Variants in PIK3CD observed in about 807,000 individuals in gnomAD.
PIK3CD encodes phosphatidylinositol 4,5-bisphosphate 3-kinase catalytic subunit delta isoform.
Under a neutral mutation model 122.9 loss-of-function variants are expected in PIK3CD, and 20 were observed. The ratio of observed to expected loss-of-function variants is 0.16; its 90% CI spans 0.11 to 0.24. The LOEUF (loss-of-function observed/expected upper bound fraction) is 0.24. Among genes scored for constraint, PIK3CD ranks in the 10% least tolerant of loss-of-function variants. The probability of loss-of-function intolerance (pLI) is 1.00; values close to 1 mark genes in which losing one functional copy is unlikely to be tolerated. For synonymous variants in PIK3CD, 596 were observed against 593.4 expected (o/e 1.00, Z -0.06); for missense variants, 787 against 1,406.3 (o/e 0.56, Z 7.04).
Position 9,725,601 on chromosome 1 carries a change from G to A in PIK3CD, c.2997+665G>A, listed in dbSNP as rs187232315. Among the ~76,000 whole-genome samples the A allele has an allele frequency of 3.3e-4, 49 of 149,624 alleles. No individual in the cohort carries two copies. In the East Asian group the frequency reaches 5.0e-3, roughly 15 times the overall value. ...ATAAAAAAAGATATTTTTCCAGGCC[G>A]GGTGCGGTGGCTCACGCCTGTAATC... On this transcript the variant is annotated intron_variant, in intron 23 of 23. Coordinates refer to ENST00000377346, the MANE Select transcript of PIK3CD (RefSeq NM_005026.5).
At chr1:9,680,032 C>G (rs1645690396) in intron 1 of PIK3CD, among the ~76,000 whole-genome samples, 2 of 152,126 alleles carry the variant, frequency 1.3e-5, no homozygotes, top group South Asian at 4.1e-4. Flanking sequence ...ACCATGTTGG[C>G]CAGCCTGGTC....
chr1:9,665,580 A>G (rs1645135233), intron 1 of PIK3CD, among the ~76,000 whole-genome samples: 2 of 151,760 alleles, frequency 1.3e-5, no homozygotes, highest in South Asian at 2.1e-4. Flanking sequence ...GGACATTGAC[A>G]TGTCCAATTA....
chr1:9,716,770 C>T (rs952842584), intron 6 of PIK3CD, 151 bp downstream of exon 6: 10 of 1,191,148 alleles, frequency 8.4e-6, no homozygotes, highest in Non-Finnish European at 1.2e-5. Flanking sequence ...AGGGCTGGCC[C>T]TCTCTGAGAG....
rs1228565091 is a variant in PIK3CD, at chr1:9,724,984, T to C, written c.2997+48T>C. 10 of 1,609,336 alleles carry C rather than the reference T, an allele frequency of 6.2e-6. No individual in the cohort carries two copies. Among genetic ancestry groups the C allele is most frequent in the Non-Finnish European group, 7.6e-6 (9 of 1,178,606 alleles). ...CTGTCGCCAGTGGACTTCCAAGGCC[T>C]GCCCCCGAGCAATGTGACCTAGGAG... On this transcript the variant is annotated intron_variant, in intron 23 of 23. Coordinates refer to ENST00000377346, the MANE Select transcript of PIK3CD (RefSeq NM_005026.5). The surrounding 1 kb of genome is among the most constrained non-coding windows in gnomAD (Gnocchi z 7.3).
At chr1:9,706,187 T>C (rs1646825206) in intron 2 of PIK3CD, among the ~76,000 whole-genome samples, 1 of 151,114 alleles carries the variant, frequency 6.6e-6, no homozygotes, top group African/African-American at 2.4e-5. Context: ...GCGACCAGCC[T>C]TAAGTGTGTT....
At chr1:9,716,118 TC>T in intron 5 of PIK3CD, 40 bp downstream of exon 5, 1 of 1,507,384 alleles carries the variant, frequency 6.6e-7, no homozygotes, top group Non-Finnish European at 9.2e-7. Flanking sequence ...GGCTGCTCTG[TC>T]CATGGGGAGC....
At chr1:9,630,383 C>T in the PIK3CD span, among the ~76,000 whole-genome samples, 1 of 152,228 alleles carries the variant, frequency 6.6e-6, no homozygotes, top group African/African-American at 2.4e-5. Flanking sequence ...GCTACAGCCC[C>T]CTGGCCCCTG....
chr1:9,684,183 C>A (rs1237141105), intron 1 of PIK3CD, among the ~76,000 whole-genome samples: 2 of 152,096 alleles, frequency 1.3e-5, no homozygotes, highest in Non-Finnish European at 2.9e-5. Flanking sequence ...GGCCATCTCT[C>A]AATGGGAGGA....
rs1166857194 is a variant in PIK3CD, at chr1:9,727,420, A to C, written c.*374A>C. On this transcript the variant is annotated 3_prime_UTR_variant, in exon 24 of 24. Coordinates refer to ENST00000377346, the MANE Select transcript of PIK3CD (RefSeq NM_005026.5). The stretch of plus-strand genomic sequence containing the variant: ...GCCTGGGTCCTGGCGCCTGGCGGTC[A>C]CCTGGTGCCTACTGTCCGACAGGAT... 2.4e-6 allele frequency: 1 copy of C among 412,894 alleles called. No homozygotes were observed. Among genetic ancestry groups the C allele is most frequent in the Non-Finnish European group, 4.6e-6 (1 of 218,398 alleles). The allele number at this position is 412,894 out of a possible 1,614,324, so 25.6% of individuals were successfully genotyped here.
chr1:9,698,953 C>T (rs756155873), intron 2 of PIK3CD, among the ~76,000 whole-genome samples: 3 of 151,990 alleles, frequency 2.0e-5, no homozygotes, highest in African/African-American at 4.8e-5. Flanking sequence ...TTTCAGAGGC[C>T]GATGCAGGAG....
chr1:9,633,339 C>T, the PIK3CD span, among the ~76,000 whole-genome samples: 1 of 151,356 alleles, frequency 6.6e-6, no homozygotes, highest in African/African-American at 2.4e-5. Flanking sequence ...ATCAATGTCG[C>T]TCTTGTCGCC....
At chr1:9,705,935 C>T (rs79950983) in intron 2 of PIK3CD, among the ~76,000 whole-genome samples, 3 of 151,914 alleles carry the variant, frequency 2.0e-5, no homozygotes, top group Admixed American at 6.6e-5. Context: ...GTGGTTATAC[C>T]GATCGTAGGT....
intron 2 of PIK3CD, among the ~76,000 whole-genome samples, chr1:9,693,731 G>C (rs1430640518): frequency 6.6e-6 from 1 of 152,004 alleles, no homozygotes; most frequent in East Asian, 1.9e-4. Flanking sequence ...GAGGAGGGTG[G>C]TATGAACAAA....
At chr1:9,686,184 T>C (rs1055916548) in intron 1 of PIK3CD, among the ~76,000 whole-genome samples, 4 of 152,154 alleles carry the variant, frequency 2.6e-5, no homozygotes, top group Non-Finnish European at 5.9e-5. Context: ...TTTGGTTTCC[T>C]GCCTTATGTT....
At chr1:9,657,438 C>T (rs1019927855) in intron 1 of PIK3CD, among the ~76,000 whole-genome samples, 1 of 152,036 alleles carries the variant, frequency 6.6e-6, no homozygotes, top group Non-Finnish European at 1.5e-5. Context: ...CCCTGTTCTG[C>T]CACTTTCCCC....
intron 1 of PIK3CD, among the ~76,000 whole-genome samples, chr1:9,655,714 T>TC (rs1644835185): frequency 6.7e-6 from 1 of 149,982 alleles, no homozygotes; most frequent in Admixed American, 6.6e-5. Flanking sequence ...TTTTTTTTTT[T>TC]TGAGACGGAG....
Position 9,715,830 on chromosome 1 carries a change from A to ACCCCCCCC in PIK3CD, c.371-19_371-18insCCCCCCCC. ...CCCTGCCTGCCCCACCCGCTGACCC[A>ACCCCCCCC]GCCCTCCCCACCCCGCAGGCCTCCA... On this transcript the variant is annotated intron_variant, in intron 4 of 23. Coordinates refer to ENST00000377346, the MANE Select transcript of PIK3CD (RefSeq NM_005026.5). The surrounding 1 kb of genome is among the most constrained non-coding windows in gnomAD (Gnocchi z 4.1). 1 of 707,956 alleles carries ACCCCCCCC rather than the reference A, an allele frequency of 1.4e-6. No individual in the cohort carries two copies. Among genetic ancestry groups the ACCCCCCCC allele is most frequent in the Non-Finnish European group, 2.4e-6 (1 of 412,974 alleles). The allele number at this position is 707,956 out of a possible 1,614,324, so 43.9% of individuals were successfully genotyped here. A position where few individuals can be genotyped will look rare whatever the true frequency, so the allele number is the denominator to read the frequency against.
chr1:9,645,604 A>AT, the PIK3CD span, among the ~76,000 whole-genome samples: 14,211 of 131,742 alleles, frequency 0.11, 877 homozygotes, highest in Non-Finnish European at 0.12. Context: ...GGAATGGCTA[A>AT]TTTTTTTTTT....
intron 1 of PIK3CD, among the ~76,000 whole-genome samples, chr1:9,677,623 T>G (rs1456570898): frequency 1.6e-5 from 2 of 125,300 alleles, no homozygotes; most frequent in African/African-American, 3.1e-5. Context: ...CCAGCCTGAG[T>G]GAAAAAGTGA....
Sources: gnomAD v4.1 joint callset for allele counts (sites outside exome capture counted in the v4.1 genomes callset) on GRCh38, gnomAD v4.1.1 for gene constraint, Gnocchi (gnomAD v3.1) non-coding constraint, MANE v1.5 for transcripts, NCBI Gene and HGNC (gene_info 2026-07-23, HGNC 2026-07-21) for gene names.